Variants in TBC1D9 observed in about 807,000 individuals in gnomAD.
TBC1D9 encodes the protein TBC1 domain family member 9A.
A neutral mutation model predicts 132.0 loss-of-function variants in TBC1D9; 63 were observed. That is an observed-to-expected ratio of 0.48 (90% CI 0.39 to 0.59). The LOEUF (loss-of-function observed/expected upper bound fraction) is 0.59. Ranked by LOEUF, TBC1D9 falls within the 20% of genes least tolerant of loss-of-function variation. TBC1D9 has a pLI of 0.00. For synonymous variants in TBC1D9, 610 were observed against 609.9 expected (o/e 1.00, Z 0.00); for missense variants, 1,261 against 1,592.7 (o/e 0.79, Z 3.54).
intron 13 of TBC1D9, among the ~76,000 whole-genome samples, chr4:140,656,344 G>A (rs1288562673): frequency 1.3e-5 from 2 of 152,076 alleles, no homozygotes; most frequent in African/African-American, 2.4e-5. Flanking sequence ...CAAGACCCAG[G>A]GAAAGCAAAA....
Position 140,670,975 on chromosome 4 carries a change from A to G in TBC1D9, c.1060-49T>C, listed in dbSNP as rs80269499. ...AGCATTATTTTCCAAGAATTACCCA[A>G]TAGCAGCCTATATGCAGCACTAAAG... On this transcript the variant is annotated intron_variant, in intron 6 of 20. Coordinates refer to ENST00000442267, the MANE Select transcript of TBC1D9 (RefSeq NM_015130.3). The G allele has an allele frequency of 1.3e-5, 20 of 1,502,550 alleles. No individual in the cohort carries two copies. The South Asian group carries it at 1.9e-4, about 14-fold the overall frequency. The allele number at this position is 1,502,550 out of a possible 1,614,324, so 93.1% of individuals were successfully genotyped here.
chr4:140,742,190 G>A (rs1324592120), intron 1 of TBC1D9, among the ~76,000 whole-genome samples: 1 of 152,084 alleles, frequency 6.6e-6, no homozygotes, highest in Non-Finnish European at 1.5e-5. Context: ...GCAAAACTGT[G>A]ACATGCCATT....
chr4:140,717,071 C>T (rs1038021409), intron 1 of TBC1D9, among the ~76,000 whole-genome samples: 4 of 152,184 alleles, frequency 2.6e-5, no homozygotes, highest in African/African-American at 9.7e-5. Context: ...AAAAGACAGT[C>T]ACCTGCAAGA....
rs554645764 is a variant in TBC1D9, at chr4:140,623,270, T to G, written c.3079-353A>C. Among the ~76,000 whole-genome samples, 22 of 152,180 alleles carry G rather than the reference T, an allele frequency of 1.4e-4. No homozygotes were observed. The South Asian group carries it at 2.5e-3, about 17-fold the overall frequency. On this transcript the variant is annotated intron_variant, in intron 20 of 20. Coordinates refer to ENST00000442267, the MANE Select transcript of TBC1D9 (RefSeq NM_015130.3). ...TTTTTGTAGAGATGGGGTTTCGCCA[T>G]TTTACCCAGGCTGGTCTTGTACTCC...
intron 5 of TBC1D9, 103 bp downstream of exon 5, chr4:140,678,824 TATACACAGAAGAGTG>T: frequency 7.9e-7 from 1 of 1,261,612 alleles, no homozygotes; most frequent in Non-Finnish European, 1.1e-6. Context: ...GTTTTGTATC[TATACACAGAAGAGTG>T]TTCAGAACCC....
intron 3 of TBC1D9, 128 bp from the exon 4 acceptor site, chr4:140,679,971 C>A: frequency 1.5e-6 from 1 of 650,314 alleles, no homozygotes; most frequent in Non-Finnish European, 2.5e-6. Flanking sequence ...TCAATGGCAA[C>A]CCCCAAATTC....
At chr4:140,735,104 C>A (rs893811956) in intron 1 of TBC1D9, among the ~76,000 whole-genome samples, 6 of 152,202 alleles carry the variant, frequency 3.9e-5, no homozygotes, top group African/African-American at 1.4e-4. Flanking sequence ...ATTCTTTCAA[C>A]CTGCCCAAAT....
At chr4:140,642,514 G>A (rs1325473875) in intron 13 of TBC1D9, 3 of 1,160,246 alleles carry the variant, frequency 2.6e-6, no homozygotes, top group East Asian at 2.4e-5. Context: ...AAACTTGAAG[G>A]GTGACTTCAA....
At chr4:140,709,242 TCTCTCTCACACACACACACA>T (rs1248051461) in intron 1 of TBC1D9, among the ~76,000 whole-genome samples, 2 of 106,778 alleles carry the variant, frequency 1.9e-5, no homozygotes, top group Non-Finnish European at 3.8e-5. Context: ...TCTCTCTCTC[TCTCTCTCACACACACACACA>T]CACACACACA....
Position 140,756,384 on chromosome 4 carries a change from A to G in TBC1D9, c.-339T>C. Reference sequence around the variant, plus strand: ...CGGCGGCGGGAGGAGCGGGAGGAGGAGGAAGAGGAGGAGGAAGGGAGCGGG... The same window carrying G: ...CGGCGGCGGGAGGAGCGGGAGGAGGGGGAAGAGGAGGAGGAAGGGAGCGGG... On this transcript the variant is annotated 5_prime_UTR_variant, in exon 1 of 21. Coordinates refer to ENST00000442267, the MANE Select transcript of TBC1D9 (RefSeq NM_015130.3). This position sits in a 1 kb window ranked among gnomAD's most constrained non-coding sequence, Gnocchi z 5.6. The G allele has an allele frequency of 6.1e-6, 1 of 163,508 alleles. No homozygotes were observed. The highest frequency in any genetic ancestry group is 1.3e-5 in the Non-Finnish European group (1 of 76,582). 10.1% of individuals were successfully genotyped at this position (163,508 alleles called of 1,614,324 possible).
chr4:140,726,569 A>G (rs568372675), intron 1 of TBC1D9, among the ~76,000 whole-genome samples: 1 of 152,338 alleles, frequency 6.6e-6, no homozygotes, highest in African/African-American at 2.4e-5. Context: ...AAAACCAAGT[A>G]TAAACTTCTT....
chr4:140,699,948 T>C (rs1296472515), intron 2 of TBC1D9, among the ~76,000 whole-genome samples: 2 of 152,070 alleles, frequency 1.3e-5, no homozygotes, highest in African/African-American at 4.8e-5. Flanking sequence ...AAAGTGTTCA[T>C]ATAGAGCCCT....
At chr4:140,648,007 A>G (rs1737128607) in intron 13 of TBC1D9, among the ~76,000 whole-genome samples, 1 of 152,140 alleles carries the variant, frequency 6.6e-6, no homozygotes. Context: ...TGGCTCAGTA[A>G]ATGCTGCAGC....
Position 140,707,617 on chromosome 4 carries a change from G to A in TBC1D9, c.131-6003C>T, listed in dbSNP as rs116783894. 4.9e-3 allele frequency among the ~76,000 whole-genome samples: 747 copies of A among 152,208 alleles called. 4 individuals carry two copies. The highest frequency in any genetic ancestry group is 0.017 in the African/African-American group (687 of 41,508). Reference sequence around the variant, plus strand: ...GAAGTCTTAACACTTACATGATACTGGTCAGAAAGTAATTAAATGGAAACA... The same window carrying A: ...GAAGTCTTAACACTTACATGATACTAGTCAGAAAGTAATTAAATGGAAACA... On this transcript the variant is annotated intron_variant, in intron 1 of 20. Coordinates refer to ENST00000442267, the MANE Select transcript of TBC1D9 (RefSeq NM_015130.3).
intron 2 of TBC1D9, among the ~76,000 whole-genome samples, chr4:140,688,994 T>A (rs558622259): frequency 6.6e-6 from 1 of 151,972 alleles, no homozygotes; most frequent in Non-Finnish European, 1.5e-5. Flanking sequence ...GCAGAATAAA[T>A]GCCAGCCATG....
At chr4:140,670,978 G>A in intron 6 of TBC1D9, 52 bp from the exon 7 acceptor site, 3 of 1,513,188 alleles carry the variant, frequency 2.0e-6, no homozygotes, top group Non-Finnish European at 2.8e-6. Context: ...TTACCCAATA[G>A]CAGCCTATAT....
chr4:140,631,229 C>G (rs1362080253), intron 16 of TBC1D9, among the ~76,000 whole-genome samples: 3 of 152,278 alleles, frequency 2.0e-5, no homozygotes, highest in Admixed American at 6.5e-5. Context: ...CCCCTCATTT[C>G]TTTGTTTGTT....
chr4:140,752,697 CA>C (rs1181438847), intron 1 of TBC1D9, among the ~76,000 whole-genome samples: 2 of 152,138 alleles, frequency 1.3e-5, no homozygotes, highest in Non-Finnish European at 2.9e-5. Flanking sequence ...AATGCATCCA[CA>C]ATGGAAGACT....
chr4:140,737,367 C>T (rs901993917), intron 1 of TBC1D9, among the ~76,000 whole-genome samples: 88 of 151,854 alleles, frequency 5.8e-4, no homozygotes, highest in African/African-American at 2.0e-3. Flanking sequence ...GCCCTGTTCC[C>T]TCTCTCCCTC....
Sources: gnomAD v4.1 joint callset for allele counts (sites outside exome capture counted in the v4.1 genomes callset) on GRCh38, gnomAD v4.1.1 for gene constraint, Gnocchi (gnomAD v3.1) non-coding constraint, MANE v1.5 for transcripts, NCBI Gene and HGNC (gene_info 2026-07-23, HGNC 2026-07-21) for gene names.